MGAT4C: variants seen among roughly 807,000 people sequenced by gnomAD.
MGAT4C encodes the protein alpha-1,3-mannosyl-glycoprotein 4-beta-N-acetylglucosaminyltransferase C.
A neutral mutation model predicts 40.1 loss-of-function variants in MGAT4C; 19 were observed. The observed-to-expected ratio is 0.47, with a 90% CI of 0.33 to 0.70. The LOEUF is 0.70. Ranked by LOEUF, MGAT4C falls within the 30% of genes least tolerant of loss-of-function variation. The pLI, the probability that MGAT4C is intolerant of heterozygous loss-of-function variation, is 0.02. For missense variants in MGAT4C, 491 were observed against 563.2 expected (o/e 0.87, Z 1.30); for synonymous variants, 181 against 187.1 (o/e 0.97, Z 0.27).
intron 2 of MGAT4C, among the ~76,000 whole-genome samples, chr12:86,508,664 C>A (rs10858433): frequency 0.9 from 135,226 of 149,570 alleles, 61,297 homozygotes; most frequent in East Asian, 1. Context: ...AACTAGTTTA[C>A]AGTCCCACCA....
intron 1 of MGAT4C, among the ~76,000 whole-genome samples, chr12:86,219,390 C>G (rs1300282870): frequency 6.6e-6 from 1 of 151,810 alleles, no homozygotes; most frequent in Admixed American, 6.6e-5. Context: ...TTGTTCATAA[C>G]CTATGTCTGA....
intron 1 of MGAT4C, among the ~76,000 whole-genome samples, chr12:86,835,463 T>C (rs1429482312): frequency 6.6e-6 from 1 of 151,954 alleles, no homozygotes; most frequent in Non-Finnish European, 1.5e-5. Context: ...AACTACTCTG[T>C]GCAGTTAGAA....
chr12:86,326,008 C>G (rs187479145), intron 4 of MGAT4C, among the ~76,000 whole-genome samples: 2 of 151,896 alleles, frequency 1.3e-5, no homozygotes, highest in Non-Finnish European at 2.9e-5. Context: ...AAGTTAAGAC[C>G]ATCTTGACTC....
At chr12:85,995,999 T>C (rs1302932685) in intron 2 of MGAT4C, among the ~76,000 whole-genome samples, 2 of 152,222 alleles carry the variant, frequency 1.3e-5, no homozygotes, top group Non-Finnish European at 2.9e-5. Context: ...TTTGCATAAC[T>C]TAACTCCATA....
chr12:86,826,749 A>G (rs1312575200), intron 1 of MGAT4C, among the ~76,000 whole-genome samples: 1 of 151,176 alleles, frequency 6.6e-6, no homozygotes, highest in Non-Finnish European at 1.5e-5. Context: ...GCACTCTTCT[A>G]CTCCTCCTAG....
At chr12:86,283,173 A>G (rs1005926074) in intron 4 of MGAT4C, among the ~76,000 whole-genome samples, 1 of 151,632 alleles carries the variant, frequency 6.6e-6, no homozygotes. Flanking sequence ...GGGTTCTACC[A>G]TTCTGCCTTC....
intron 1 of MGAT4C, among the ~76,000 whole-genome samples, chr12:86,249,018 A>G (rs1952158188): frequency 6.6e-6 from 1 of 152,152 alleles, no homozygotes; most frequent in Non-Finnish European, 1.5e-5. Flanking sequence ...GTTTTCTTTT[A>G]AAATAATTAT....
intron 1 of MGAT4C, among the ~76,000 whole-genome samples, chr12:86,227,887 A>C (rs907335660): frequency 6.6e-6 from 1 of 151,942 alleles, no homozygotes; most frequent in African/African-American, 2.4e-5. Flanking sequence ...TAGAAATATA[A>C]ACCAGATTCT....
chr12:86,335,995 T>C (rs1954781311), intron 3 of MGAT4C, among the ~76,000 whole-genome samples: 1 of 152,116 alleles, frequency 6.6e-6, no homozygotes, highest in Non-Finnish European at 1.5e-5. Flanking sequence ...ACCTTCCTTT[T>C]TTAAACCTAT....
chr12:86,489,489 A>T (rs912406899), intron 2 of MGAT4C, among the ~76,000 whole-genome samples: 1 of 152,166 alleles, frequency 6.6e-6, no homozygotes, highest in Non-Finnish European at 1.5e-5. Flanking sequence ...GCCCCAAACT[A>T]CAAGGCAAAG....
At chr12:86,083,947 G>T (rs565471891) in intron 1 of MGAT4C, among the ~76,000 whole-genome samples, 2 of 152,038 alleles carry the variant, frequency 1.3e-5, no homozygotes, top group Non-Finnish European at 2.9e-5. Flanking sequence ...TTCTACTCAT[G>T]TTGAACAGAG....
intron 1 of MGAT4C, among the ~76,000 whole-genome samples, chr12:86,069,187 A>G (rs928543859): frequency 3.5e-5 from 5 of 142,026 alleles, no homozygotes; most frequent in Admixed American, 2.8e-4. Flanking sequence ...GTTAAAAATA[A>G]TATAACATTA....
chr12:86,110,871 T>G (rs191633307), intron 1 of MGAT4C, among the ~76,000 whole-genome samples: 1 of 151,760 alleles, frequency 6.6e-6, no homozygotes, highest in African/African-American at 2.4e-5. Context: ...ATAACTATTA[T>G]GCCGTTATAT....
At chr12:86,037,342 T>C (rs1289994051) in intron 2 of MGAT4C, among the ~76,000 whole-genome samples, 1 of 150,144 alleles carries the variant, frequency 6.7e-6, no homozygotes, top group African/African-American at 2.4e-5. Context: ...CTTTTGAATT[T>C]GTTTGCTCCT....
chr12:86,178,222 T>C (rs550009427), intron 1 of MGAT4C, among the ~76,000 whole-genome samples: 31 of 152,292 alleles, frequency 2.0e-4, no homozygotes, highest in East Asian at 5.8e-4. Flanking sequence ...AGGCATGAGC[T>C]ACTGCGCCTG....
At chr12:86,814,056 G>A (rs1036429029) in intron 1 of MGAT4C, among the ~76,000 whole-genome samples, 15 of 151,740 alleles carry the variant, frequency 9.9e-5, no homozygotes, top group African/African-American at 3.4e-4. Context: ...GACTACAGGT[G>A]CACACTGCCA....
At chr12:86,584,606 C>A (rs949944296) in intron 2 of MGAT4C, among the ~76,000 whole-genome samples, 1 of 151,286 alleles carries the variant, frequency 6.6e-6, no homozygotes, top group African/African-American at 2.4e-5. Flanking sequence ...CACAGTATTT[C>A]TATGTGATTA....
At position 86,706,812 on chromosome 12, in the gene MGAT4C, G is replaced by C. The variant is rs184417342; in HGVS notation, c.-229+20397C>G. The stretch of plus-strand genomic sequence containing the variant: ...AATACTCTTGATATGATTTGGCTGT[G>C]TCCCTGCCCAAATCTCATCTTGAAT... On this transcript the variant is annotated intron_variant, in intron 2 of 7. Coordinates refer to the MGAT4C transcript ENST00000548651. Among the ~76,000 whole-genome samples, 62 of 152,248 alleles carry C rather than the reference G, an allele frequency of 4.1e-4. 1 individual carries two copies. In the East Asian group the frequency reaches 0.011, roughly 26 times the overall value.
intron 3 of MGAT4C, among the ~76,000 whole-genome samples, chr12:86,364,120 T>C (rs963528022): frequency 6.6e-6 from 1 of 151,876 alleles, no homozygotes; most frequent in Admixed American, 6.6e-5. Flanking sequence ...GTCCTGTAAT[T>C]CTAAGAATAA....
Sources: allele counts gnomAD v4.1 joint callset (sites outside exome capture counted in the v4.1 genomes callset), GRCh38; gene constraint gnomAD v4.1.1; transcripts MANE v1.5; gene names NCBI Gene and HGNC (gene_info 2026-07-23, HGNC 2026-07-21).